Variants in TTC13 observed in about 807,000 individuals in gnomAD.
The protein encoded by TTC13 is tetratricopeptide repeat protein 13.
TTC13 carries 62 observed loss-of-function variants against 120.0 expected under a neutral mutation model. That is an observed-to-expected ratio of 0.52 (90% CI 0.42 to 0.64). TTC13 has a LOEUF of 0.64. Ranked by LOEUF, TTC13 falls within the 30% of genes least tolerant of loss-of-function variation. The pLI is 0.00. For synonymous variants in TTC13, 384 were observed against 393.5 expected, an observed-to-expected ratio of 0.98 and a Z score of 0.28; for missense variants, 824 against 1,050.2, an observed-to-expected ratio of 0.78 and a Z score of 2.98.
At position 230,909,021 on chromosome 1, in the gene TTC13, C is replaced by T. The variant is rs769986902; in HGVS notation, c.2310-1G>A. 6.2e-7 allele frequency: 1 copy of T among 1,613,902 alleles called. No individual in the cohort carries two copies. Among genetic ancestry groups the T allele is most frequent in the Non-Finnish European group, 8.5e-7 (1 of 1,179,808 alleles). ...CACGATGACCGAGTAAGCAATTACA[C>T]TATTTAAATAAAGAACAAAGGTCAA... On this transcript the variant is annotated splice_acceptor_variant, in intron 20 of 22. Coordinates refer to ENST00000366661, the MANE Select transcript of TTC13 (RefSeq NM_024525.5). LOFTEE classifies it high-confidence loss of function.
At chr1:230,929,322 AT>A (rs66812339) in intron 11 of TTC13, among the ~76,000 whole-genome samples, 5 of 144,428 alleles carry the variant, frequency 3.5e-5, no homozygotes, top group Non-Finnish European at 4.5e-5. Context: ...CTTTGGCTAC[AT>A]TTTTTTTTTT....
chr1:230,931,526 G>C, intron 10 of TTC13, 54 bp from the exon 11 acceptor site: 1 of 1,587,764 alleles, frequency 6.3e-7, no homozygotes. Flanking sequence ...ACTTTGAAAT[G>C]CTTTATTCTT....
chr1:230,960,525 G>T (rs1676527052), intron 2 of TTC13, among the ~76,000 whole-genome samples: 1 of 150,332 alleles, frequency 6.7e-6, no homozygotes, highest in African/African-American at 2.5e-5. Context: ...CTAGTTTGCA[G>T]TTTCAATCCA....
chr1:230,931,231 G>A (rs1351695878), intron 11 of TTC13, 67 bp downstream of exon 11: 2 of 1,536,542 alleles, frequency 1.3e-6, no homozygotes, highest in Non-Finnish European at 1.8e-6. Flanking sequence ...ACATAAAAGA[G>A]TCAAGCAATA....
chr1:230,922,618 C>T (rs1380076239), intron 15 of TTC13, among the ~76,000 whole-genome samples: 2 of 152,140 alleles, frequency 1.3e-5, no homozygotes, highest in Non-Finnish European at 2.9e-5. Flanking sequence ...ATGAGTTAGT[C>T]ACAGTTTCCT....
chr1:230,945,025 A>G (rs761221417), intron 5 of TTC13, among the ~76,000 whole-genome samples: 35 of 152,224 alleles, frequency 2.3e-4, no homozygotes, highest in Non-Finnish European at 4.6e-4. Flanking sequence ...TAAATTTTAC[A>G]TGCCTAAAAA....
Position 230,912,604 on chromosome 1 carries a change from G to C in TTC13, c.2229+19C>G. The C allele has an allele frequency of 6.2e-7, 1 of 1,605,912 alleles. No homozygotes were observed. Among genetic ancestry groups the C allele is most frequent in the Non-Finnish European group, 8.5e-7 (1 of 1,178,488 alleles). On this transcript the variant is annotated intron_variant, in intron 19 of 22. Transcript: ENST00000366661. ...GAATCATAGGAAGAGCAGAAAAATGGAAACAAAGAGAAACCTACCCCAAAT... is the reference window on the plus strand; with the variant it reads ...GAATCATAGGAAGAGCAGAAAAATGCAAACAAAGAGAAACCTACCCCAAAT...
At chr1:230,953,240 C>T (rs569912619) in intron 4 of TTC13, among the ~76,000 whole-genome samples, 1 of 152,220 alleles carries the variant, frequency 6.6e-6, no homozygotes, top group South Asian at 2.1e-4. Flanking sequence ...ATCCAAAGAC[C>T]TCAAAGTAAT....
intron 1 of TTC13, among the ~76,000 whole-genome samples, chr1:230,975,211 G>GA (rs112878803): frequency 0.12 from 15,996 of 137,924 alleles, 834 homozygotes; most frequent in Middle Eastern, 0.22. Context: ...TGTCTCTACA[G>GA]AAAAAAAAAA....
At chr1:230,973,714 A>G (rs1459278905) in intron 1 of TTC13, among the ~76,000 whole-genome samples, 1 of 152,220 alleles carries the variant, frequency 6.6e-6, no homozygotes, top group Non-Finnish European at 1.5e-5. Context: ...TATACCTTAT[A>G]CTGTCTGTAA....
At chr1:230,951,793 G>A (rs1161913015) in intron 4 of TTC13, among the ~76,000 whole-genome samples, 1 of 152,112 alleles carries the variant, frequency 6.6e-6, no homozygotes, top group African/African-American at 2.4e-5. Context: ...GAATAATCAT[G>A]TGTGTGATAC....
chr1:230,928,184 A>T (rs1673207955), intron 12 of TTC13, among the ~76,000 whole-genome samples: 1 of 152,208 alleles, frequency 6.6e-6, no homozygotes, highest in Non-Finnish European at 1.5e-5. Context: ...TGGGATTTTG[A>T]ATGGCATTTT....
At chr1:230,971,071 C>A (rs999864880) in intron 1 of TTC13, among the ~76,000 whole-genome samples, 1 of 152,022 alleles carries the variant, frequency 6.6e-6, no homozygotes, top group Non-Finnish European at 1.5e-5. Context: ...GGTGGCCAGG[C>A]GCGGTGGCTC....
At chr1:230,910,384 T>C (rs896762133) in intron 20 of TTC13, among the ~76,000 whole-genome samples, 19 of 152,264 alleles carry the variant, frequency 1.2e-4, no homozygotes, top group Middle Eastern at 3.4e-3. Context: ...CTGCGCACTG[T>C]GTATGCTGCC....
intron 15 of TTC13, among the ~76,000 whole-genome samples, chr1:230,921,810 G>A (rs1282126968): frequency 6.6e-6 from 1 of 152,120 alleles, no homozygotes; most frequent in African/African-American, 2.4e-5. Context: ...TCCTCTGACG[G>A]ATCCCATCAC....
intron 12 of TTC13, among the ~76,000 whole-genome samples, chr1:230,927,440 C>T (rs1294646402): frequency 6.6e-6 from 1 of 152,108 alleles, no homozygotes; most frequent in Non-Finnish European, 1.5e-5. Context: ...AAAAAAATCT[C>T]ATGAGGCCTT....
intron 4 of TTC13, among the ~76,000 whole-genome samples, chr1:230,946,496 T>C (rs1405589381): frequency 6.6e-6 from 1 of 152,250 alleles, no homozygotes; most frequent in African/African-American, 2.4e-5. Flanking sequence ...GAGATGCATC[T>C]ATATCCAGTG....
In TTC13 at chr1:230,911,677, C is replaced by T. The variant is rs550847332; in HGVS notation, c.2230-128G>A. 3.0e-5 allele frequency: 17 copies of T among 563,066 alleles called. No homozygotes were observed. In the South Asian group the frequency reaches 5.6e-4, roughly 19 times the overall value. 34.9% of individuals were successfully genotyped at this position (563,066 alleles called of 1,614,324 possible). On this transcript the variant is annotated intron_variant, in intron 19 of 22. Coordinates refer to ENST00000366661, the MANE Select transcript of TTC13 (RefSeq NM_024525.5). ...TGTTTTCTTCCTCCCCCATAAGAAT[C>T]TACTTTTCAAATTCTTGAATATTCT...
intron 12 of TTC13, among the ~76,000 whole-genome samples, chr1:230,927,293 T>C (rs1673130746): frequency 6.6e-6 from 1 of 152,182 alleles, no homozygotes; most frequent in Non-Finnish European, 1.5e-5. Context: ...TCAGCTTTAC[T>C]AGATAATGAA....
Sources: gnomAD v4.1 joint callset for allele counts (sites outside exome capture counted in the v4.1 genomes callset) on GRCh38, gnomAD v4.1.1 for gene constraint, MANE v1.5 for transcripts, NCBI Gene and HGNC (gene_info 2026-07-23, HGNC 2026-07-21) for gene names.